MAST4: variants seen among roughly 807,000 people sequenced by gnomAD.
MAST4 encodes microtubule associated serine/threonine kinase family member 4.
Under a neutral mutation model 162.7 loss-of-function variants are expected in MAST4, and 89 were observed. The ratio of observed to expected loss-of-function variants is 0.55; its 90% CI spans 0.46 to 0.65. The LOEUF is 0.65. Among genes scored for constraint, MAST4 ranks in the 30% least tolerant of loss-of-function variants. The pLI, the probability that MAST4 is intolerant of heterozygous loss-of-function variation, is 0.00. For synonymous variants in MAST4, 1,479 were observed against 1,361.1 expected (o/e 1.09, Z -1.91); for missense variants, 3,153 against 3,374.0 (o/e 0.93, Z 1.62).
intron 14 of MAST4, among the ~76,000 whole-genome samples, chr5:67,128,849 G>C (rs1167186247): frequency 1.3e-5 from 2 of 152,146 alleles, no homozygotes; most frequent in Non-Finnish European, 2.9e-5. Context: ...ATTGATGGCT[G>C]TTCAGGTAAA....
chr5:66,660,178 C>G (rs1746811039), intron 1 of MAST4, among the ~76,000 whole-genome samples: 1 of 152,198 alleles, frequency 6.6e-6, no homozygotes, highest in Non-Finnish European at 1.5e-5. Flanking sequence ...CACCTGAGGT[C>G]AGGAGTTCGA....
intron 3 of MAST4, among the ~76,000 whole-genome samples, chr5:66,814,132 C>T (rs1194974344): frequency 6.6e-6 from 1 of 152,164 alleles, no homozygotes; most frequent in Non-Finnish European, 1.5e-5. Context: ...TTCTCTCTCC[C>T]CTGGGACCTT....
At chr5:66,883,043 T>TA (rs1313939537) in intron 3 of MAST4, among the ~76,000 whole-genome samples, 5 of 152,150 alleles carry the variant, frequency 3.3e-5, no homozygotes, top group Non-Finnish European at 5.9e-5. Context: ...AATCATAGTT[T>TA]AAAAAATCAT....
chr5:66,696,497 C>G (rs1182404234), intron 1 of MAST4, among the ~76,000 whole-genome samples: 1 of 152,094 alleles, frequency 6.6e-6, no homozygotes, highest in African/African-American at 2.4e-5. Flanking sequence ...ACCCCTTTTC[C>G]TGAATACTTC....
intron 3 of MAST4, among the ~76,000 whole-genome samples, chr5:66,894,474 C>G (rs1033369945): frequency 5.3e-5 from 8 of 152,210 alleles, no homozygotes; most frequent in African/African-American, 1.9e-4. Flanking sequence ...TATGTTGCCC[C>G]AGCTAGCTTT....
chr5:66,882,423 T>C (rs1283038577), intron 3 of MAST4, among the ~76,000 whole-genome samples: 3 of 152,198 alleles, frequency 2.0e-5, no homozygotes, highest in Non-Finnish European at 4.4e-5. Flanking sequence ...TATTTTTGTT[T>C]TGTTTTTGCT....
At chr5:66,730,671 C>T (rs1457459879) in intron 1 of MAST4, among the ~76,000 whole-genome samples, 1 of 152,110 alleles carries the variant, frequency 6.6e-6, no homozygotes, top group African/African-American at 2.4e-5. Context: ...TTACAAACAT[C>T]TTTCAAAGTC....
chr5:66,739,385 G>C (rs923828154), intron 1 of MAST4, among the ~76,000 whole-genome samples: 1 of 152,180 alleles, frequency 6.6e-6, no homozygotes, highest in African/African-American at 2.4e-5. Flanking sequence ...GAGAAAAAGA[G>C]GAGATGAGTA....
At chr5:66,977,598 A>G (rs920184384) in intron 4 of MAST4, among the ~76,000 whole-genome samples, 1 of 152,180 alleles carries the variant, frequency 6.6e-6, no homozygotes, top group African/African-American at 2.4e-5. Flanking sequence ...GTTTAGACCC[A>G]TAAATCCCTC....
At chr5:67,067,303 G>T (rs995933805) in intron 5 of MAST4, among the ~76,000 whole-genome samples, 7 of 152,108 alleles carry the variant, frequency 4.6e-5, no homozygotes, top group Non-Finnish European at 8.8e-5. Context: ...ATTCTACTTT[G>T]GGCAGTTCAC....
intron 3 of MAST4, among the ~76,000 whole-genome samples, chr5:66,859,289 C>G (rs1191145303): frequency 6.6e-6 from 1 of 152,088 alleles, no homozygotes; most frequent in African/African-American, 2.4e-5. Flanking sequence ...ATTAAGATTT[C>G]TTATTCTGTC....
At chr5:67,008,954 A>C (rs1335559805) in intron 4 of MAST4, among the ~76,000 whole-genome samples, 1 of 152,178 alleles carries the variant, frequency 6.6e-6, no homozygotes, top group Non-Finnish European at 1.5e-5. Context: ...TGTCATGACT[A>C]TGAGAACTAT....
At chr5:66,785,553 C>T (rs1000155696) in intron 2 of MAST4, among the ~76,000 whole-genome samples, 1 of 152,108 alleles carries the variant, frequency 6.6e-6, no homozygotes. Flanking sequence ...ATAATCATAC[C>T]TATCCCATAC....
Position 66,800,284 on chromosome 5 carries a change from G to T in MAST4, c.642+11490G>T, listed in dbSNP as rs921221577. Among the ~76,000 whole-genome samples, 137 of 152,056 alleles carry T rather than the reference G, an allele frequency of 9.0e-4. 2 individuals are homozygous for T. Among genetic ancestry groups the T allele is most frequent in the Non-Finnish European group, 5.7e-4 (39 of 68,000 alleles). ...AGATGATGCCTTTAAAAAATAAAAA[G>T]GCATTCTTTTAGTTACATTTTGGTA... On this transcript the variant is annotated intron_variant, in intron 3 of 28. Coordinates refer to ENST00000403625, the MANE Select transcript of MAST4 (RefSeq NM_001164664.2).
At chr5:66,819,230 G>A (rs577548070) in intron 3 of MAST4, among the ~76,000 whole-genome samples, 9 of 152,110 alleles carry the variant, frequency 5.9e-5, no homozygotes. Flanking sequence ...GATTCATGGG[G>A]GAACATCTAG....
rs114292079 is a variant in MAST4, at chr5:66,693,338, G to A, written c.364-66371G>A. ...CTAAGAATAAAATATTCCAAAAAGT[G>A]TGGAAGTTTTATAGGTACAACAAAA... On this transcript the variant is annotated intron_variant, in intron 1 of 28. Transcript: ENST00000403625. Among the ~76,000 whole-genome samples the A allele has an allele frequency of 1.3e-3, 193 of 152,284 alleles. 1 individual carries two copies. The highest frequency in any genetic ancestry group is 4.5e-3 in the African/African-American group (189 of 41,566).
chr5:67,074,971 G>GT (rs754677649), intron 5 of MAST4, among the ~76,000 whole-genome samples: 16 of 152,154 alleles, frequency 1.1e-4, no homozygotes, highest in Non-Finnish European at 2.2e-4. Flanking sequence ...GTCTAAAACA[G>GT]TTAAACAGTT....
At chr5:66,599,935 G>GTGTA (rs1383586616) in intron 1 of MAST4, among the ~76,000 whole-genome samples, 1 of 152,016 alleles carries the variant, frequency 6.6e-6, no homozygotes, top group Non-Finnish European at 1.5e-5. Flanking sequence ...GTGTGTGTGT[G>GTGTA]TGTGTGTTTA....
chr5:66,709,937 G>A (rs1233823269), intron 1 of MAST4, among the ~76,000 whole-genome samples: 1 of 152,174 alleles, frequency 6.6e-6, no homozygotes, highest in African/African-American at 2.4e-5. Context: ...TCTAATGTTA[G>A]GACTGGCTGT....
Sources: allele counts gnomAD v4.1 joint callset (sites outside exome capture counted in the v4.1 genomes callset), GRCh38; gene constraint gnomAD v4.1.1; transcripts MANE v1.5; gene names NCBI Gene and HGNC (gene_info 2026-07-23, HGNC 2026-07-21).